UBE2H: variants seen among roughly 807,000 people sequenced by gnomAD.
UBE2H encodes ubiquitin-conjugating enzyme E2 H.
UBE2H carries 3 observed loss-of-function variants against 29.0 expected under a neutral mutation model. That is an observed-to-expected ratio of 0.10 (90% CI 0.05 to 0.27). The LOEUF is 0.27. Among genes scored for constraint, UBE2H ranks in the 10% least tolerant of loss-of-function variants. The pLI, the probability that UBE2H is intolerant of heterozygous loss-of-function variation, is 1.00. For synonymous variants in UBE2H, 69 were observed against 82.9 expected (o/e 0.83, Z 0.91); for missense variants, 68 against 228.2 (o/e 0.30, Z 4.52).
intron 1 of UBE2H, among the ~76,000 whole-genome samples, chr7:129,921,953 G>A (rs1012954555): frequency 6.6e-6 from 1 of 151,844 alleles, no homozygotes; most frequent in Non-Finnish European, 1.5e-5. Flanking sequence ...TGTGATAATG[G>A]TACTGTGTTT....
intron 5 of UBE2H, 22 bp from the exon 6 acceptor site, chr7:129,839,357 T>G: frequency 6.2e-7 from 1 of 1,611,836 alleles, no homozygotes; most frequent in Non-Finnish European, 8.5e-7. Context: ...AACAAACATG[T>G]CACACATGGG....
At chr7:129,941,355 G>A (rs1032208239) in intron 1 of UBE2H, among the ~76,000 whole-genome samples, 5 of 152,018 alleles carry the variant, frequency 3.3e-5, no homozygotes, top group Non-Finnish European at 5.9e-5. Flanking sequence ...GGTTGGTCTC[G>A]AACTCCCGAG....
chr7:129,909,142 CCT>C (rs1311003627), intron 1 of UBE2H, among the ~76,000 whole-genome samples: 1 of 152,046 alleles, frequency 6.6e-6, no homozygotes, highest in Non-Finnish European at 1.5e-5. Flanking sequence ...AACTGGAGCC[CCT>C]CTCTCTCAGA....
intron 1 of UBE2H, among the ~76,000 whole-genome samples, chr7:129,889,158 A>G (rs1806424020): frequency 6.6e-6 from 1 of 152,234 alleles, no homozygotes; most frequent in East Asian, 1.9e-4. Context: ...TATCTGGCAA[A>G]CAGGGAAACA....
At chr7:129,874,438 T>G (rs1806104699) in intron 3 of UBE2H, among the ~76,000 whole-genome samples, 1 of 151,828 alleles carries the variant, frequency 6.6e-6, no homozygotes, top group Non-Finnish European at 1.5e-5. Flanking sequence ...GCCTCCTGAG[T>G]AGCTGGGACT....
At chr7:129,907,549 G>A (rs763906460) in intron 1 of UBE2H, among the ~76,000 whole-genome samples, 3 of 152,132 alleles carry the variant, frequency 2.0e-5, no homozygotes, top group African/African-American at 7.2e-5. Context: ...AAAGCAAGAC[G>A]GTAGAGAGCC....
At chr7:129,924,180 T>A (rs1196633739) in intron 1 of UBE2H, among the ~76,000 whole-genome samples, 2 of 152,232 alleles carry the variant, frequency 1.3e-5, no homozygotes, top group African/African-American at 4.8e-5. Flanking sequence ...GAGATCAGCC[T>A]GGGCAATATA....
chr7:129,901,184 C>T (rs969988480), intron 1 of UBE2H, among the ~76,000 whole-genome samples: 3 of 152,228 alleles, frequency 2.0e-5, no homozygotes, highest in African/African-American at 7.2e-5. Flanking sequence ...TGTTTAAACA[C>T]ATCAAGATGA....
chr7:129,937,548 A>G (rs1449577657), intron 1 of UBE2H, among the ~76,000 whole-genome samples: 1 of 152,204 alleles, frequency 6.6e-6, no homozygotes, highest in Non-Finnish European at 1.5e-5. Context: ...GTGGATAAAA[A>G]AGATGAGTGG....
intron 3 of UBE2H, among the ~76,000 whole-genome samples, chr7:129,862,120 G>A (rs1805814882): frequency 6.6e-6 from 1 of 152,166 alleles, no homozygotes; most frequent in Non-Finnish European, 1.5e-5. Context: ...ATAGGAGTAT[G>A]CTGCTATCAC....
At chr7:129,950,899 T>C (rs954200274) in intron 1 of UBE2H, among the ~76,000 whole-genome samples, 2 of 151,836 alleles carry the variant, frequency 1.3e-5, no homozygotes, top group South Asian at 4.2e-4. Flanking sequence ...TCATAAAGAG[T>C]TGATTTCACT....
chr7:129,836,744 G>A (rs1448148155), intron 6 of UBE2H, among the ~76,000 whole-genome samples: 1 of 151,934 alleles, frequency 6.6e-6, no homozygotes, highest in Non-Finnish European at 1.5e-5. Context: ...GCTGGATGTG[G>A]TGGCACATGC....
At position 129,835,056 on chromosome 7, in the gene UBE2H, T is replaced by C; in HGVS notation, c.433A>G (p.Ile145Val). ...GCCTCCTCCGTGGCGTATTTCTGGA[T>C]GTACTCTGCACGGGGTGGGAGAAAG... The part of the protein sequence containing the change: ...EEYKQKIKEY[I>V]QKYATEEALK... The change falls in exon 7 of 7, where the codon ATC (isoleucine) becomes GTC (valine). Residue 145 changes from isoleucine (I) to valine (V), a missense_variant. This residue lies in a region of UBE2H where 25 missense variants were observed against 32.4 expected (regional missense o/e 0.77). Transcript: ENST00000355621. 11 of 1,614,100 alleles carry C rather than the reference T, an allele frequency of 6.8e-6. No individual in the cohort carries two copies. The highest frequency in any genetic ancestry group is 9.3e-6 in the Non-Finnish European group (11 of 1,180,024).
At chr7:129,926,929 A>G (rs576179517) in intron 1 of UBE2H, among the ~76,000 whole-genome samples, 7 of 152,312 alleles carry the variant, frequency 4.6e-5, no homozygotes, top group African/African-American at 1.7e-4. Flanking sequence ...ACTTATTTAC[A>G]ACCTGATTCT....
intron 1 of UBE2H, among the ~76,000 whole-genome samples, chr7:129,890,664 G>A (rs373960594): frequency 5.3e-5 from 8 of 152,056 alleles, no homozygotes; most frequent in African/African-American, 9.7e-5. Context: ...GAGCCACTGC[G>A]CCCAGCCAAC....
intron 5 of UBE2H, among the ~76,000 whole-genome samples, chr7:129,845,903 A>G (rs1226371143): frequency 1.3e-5 from 2 of 152,230 alleles, no homozygotes; most frequent in Admixed American, 6.5e-5. Context: ...AAAAGTGACT[A>G]TAAGATATAC....
intron 1 of UBE2H, among the ~76,000 whole-genome samples, chr7:129,925,588 GCAGT>G (rs898072764): frequency 7.9e-5 from 12 of 152,154 alleles, no homozygotes; most frequent in Admixed American, 3.3e-4. Context: ...TGTATTCAGG[GCAGT>G]CAAAGAGCCT....
chr7:129,892,697 C>T (rs1238338889), intron 1 of UBE2H, among the ~76,000 whole-genome samples: 2 of 152,268 alleles, frequency 1.3e-5, no homozygotes, highest in Middle Eastern at 3.4e-3. Context: ...ATGCTAAAGT[C>T]CTTGCATTGA....
chr7:129,898,439 G>C (rs999140651), intron 1 of UBE2H, among the ~76,000 whole-genome samples: 10 of 152,100 alleles, frequency 6.6e-5, no homozygotes, highest in African/African-American at 2.2e-4. Flanking sequence ...TAAGAATGAA[G>C]GCTGTATTGT....
Sources: allele counts gnomAD v4.1 joint callset (sites outside exome capture counted in the v4.1 genomes callset), GRCh38; gene constraint gnomAD v4.1.1; regional missense constraint gnomAD v4.1.1; transcripts MANE v1.5; gene names NCBI Gene and HGNC (gene_info 2026-07-23, HGNC 2026-07-21).